The following SFMBT1 variants were observed in gnomAD, a reference collection of about 807,000 sequenced individuals.
The protein encoded by SFMBT1 is scm-like with four MBT domains protein 1.
SFMBT1 carries 32 observed loss-of-function variants against 108.7 expected under a neutral mutation model. The ratio of observed to expected loss-of-function variants is 0.29; its 90% CI spans 0.22 to 0.40. The LOEUF is 0.40. Among genes scored for constraint, SFMBT1 ranks in the 10% least tolerant of loss-of-function variants. The pLI is 1.00. For missense variants in SFMBT1, 816 were observed against 1,059.6 expected, an observed-to-expected ratio of 0.77 and a Z score of 3.19; for synonymous variants, 348 against 369.5, an observed-to-expected ratio of 0.94 and a Z score of 0.67.
intron 14 of SFMBT1, among the ~76,000 whole-genome samples, chr3:52,915,382 C>T (rs1396356614): frequency 6.6e-6 from 1 of 152,210 alleles, no homozygotes; most frequent in Admixed American, 6.5e-5. Context: ...ACAGTCCTAA[C>T]CCTCTATGTA....
intron 2 of SFMBT1, among the ~76,000 whole-genome samples, chr3:52,957,669 C>A (rs1703824437): frequency 6.6e-6 from 1 of 152,190 alleles, no homozygotes; most frequent in East Asian, 1.9e-4. Context: ...CTACAACCAT[C>A]TGATTTTCAA....
In SFMBT1 at chr3:53,009,988, T is replaced by C. The variant is rs564865962; in HGVS notation, c.-131+35828A>G. ...TTGCAGAGGCAGAAGAAAATCCACATAAAGTGGACCCATGTGATTTGCCCT... is the reference window on the plus strand; with the variant it reads ...TTGCAGAGGCAGAAGAAAATCCACACAAAGTGGACCCATGTGATTTGCCCT... On this transcript the variant is annotated intron_variant, in intron 1 of 20. Coordinates refer to ENST00000394752, the MANE Select transcript of SFMBT1 (RefSeq NM_016329.4). 1.4e-4 allele frequency among the ~76,000 whole-genome samples: 22 copies of C among 152,238 alleles called. 1 individual carries two copies. In the South Asian group the frequency reaches 4.6e-3, roughly 32 times the overall value.
Position 52,985,791 on chromosome 3 carries a change from T to C in SFMBT1, c.-130-16533A>G, listed in dbSNP as rs1260848236. 2.6e-5 allele frequency among the ~76,000 whole-genome samples: 4 copies of C among 152,288 alleles called. No individual in the cohort carries two copies. In the East Asian group the frequency reaches 7.7e-4, roughly 29 times the overall value. ...GGCAACTGTAACACAATGGTAAGTA[T>C]TTGTGTATCTAAACATATTTAAACA... On this transcript the variant is annotated intron_variant, in intron 1 of 20. Transcript: ENST00000394752.
At chr3:53,010,213 C>A (rs1698894327) in intron 1 of SFMBT1, among the ~76,000 whole-genome samples, 1 of 152,222 alleles carries the variant, frequency 6.6e-6, no homozygotes, top group Non-Finnish European at 1.5e-5. Flanking sequence ...TCATTCTCAA[C>A]AAACAAGCAA....
intron 1 of SFMBT1, among the ~76,000 whole-genome samples, chr3:53,017,551 A>G (rs1699167531): frequency 6.6e-6 from 1 of 152,216 alleles, no homozygotes; most frequent in Non-Finnish European, 1.5e-5. Context: ...AGTCTTACAC[A>G]GTTAGTAAAG....
chr3:52,913,412 G>A (rs1702262767), intron 15 of SFMBT1, 66 bp downstream of exon 15: 3 of 1,557,606 alleles, frequency 1.9e-6, no homozygotes, highest in East Asian at 4.5e-5. Context: ...GTGGCTCCCT[G>A]TAGAAATGAC....
intron 3 of SFMBT1, among the ~76,000 whole-genome samples, chr3:52,949,971 A>G (rs1043811513): frequency 6.6e-6 from 1 of 152,070 alleles, no homozygotes; most frequent in East Asian, 1.9e-4. Flanking sequence ...ATTTACTTTT[A>G]ACCTATATGT....
chr3:52,958,359 G>A (rs977871999), intron 2 of SFMBT1, among the ~76,000 whole-genome samples: 4 of 152,208 alleles, frequency 2.6e-5, no homozygotes, highest in Non-Finnish European at 5.9e-5. Context: ...GGGAGGCCGC[G>A]GCAGGCGGAC....
chr3:52,916,053 A>G, intron 14 of SFMBT1, 97 bp downstream of exon 14: 1 of 993,684 alleles, frequency 1.0e-6, no homozygotes, highest in Admixed American at 2.0e-5. Context: ...ATGAAGACAC[A>G]TACTATACAT....
rs188521390 is a variant in SFMBT1, at chr3:53,032,847, A to G, written c.-131+12969T>C. Among the ~76,000 whole-genome samples, 6 of 152,336 alleles carry G rather than the reference A, an allele frequency of 3.9e-5. No individual in the cohort carries two copies. In the East Asian group the frequency reaches 1.2e-3, roughly 29 times the overall value. ...TATGTGGAATGCTGTGAGTGCCCAGAGCAAAGGGTGGTTAATGCAACCTGA... is the reference window on the plus strand; with the variant it reads ...TATGTGGAATGCTGTGAGTGCCCAGGGCAAAGGGTGGTTAATGCAACCTGA... On this transcript the variant is annotated intron_variant, in intron 1 of 20. Coordinates refer to ENST00000394752, the MANE Select transcript of SFMBT1 (RefSeq NM_016329.4).
At position 52,912,725 on chromosome 3, in the gene SFMBT1, A is replaced by T. The variant is rs1575367218; in HGVS notation, c.1621-78T>A. The T allele has an allele frequency of 2.9e-6, 3 of 1,052,386 alleles. No individual in the cohort carries two copies. In the East Asian group the frequency reaches 7.2e-5, roughly 25 times the overall value. 65.2% of individuals were successfully genotyped at this position (1,052,386 alleles called of 1,614,324 possible). A position where few individuals can be genotyped will look rare whatever the true frequency, so the allele number is the denominator to read the frequency against. ...ATTAGAATCTTGTCATCTCTTCCTT[A>T]AAATGTTAAGATTATTTAGGAGGTT... is the stretch of plus-strand genomic sequence containing the variant. On this transcript the variant is annotated intron_variant, in intron 15 of 20. Transcript: ENST00000394752.
intron 1 of SFMBT1, among the ~76,000 whole-genome samples, chr3:53,033,926 G>A (rs544932543): frequency 9.2e-5 from 14 of 151,566 alleles, no homozygotes; most frequent in African/African-American, 2.7e-4. Flanking sequence ...AAAAATTAGC[G>A]GGGTGTGGTG....
chr3:53,013,468 T>C (rs1451761652), intron 1 of SFMBT1, among the ~76,000 whole-genome samples: 1 of 151,462 alleles, frequency 6.6e-6, no homozygotes, highest in Non-Finnish European at 1.5e-5. Flanking sequence ...CACTGCTAGC[T>C]GGAATCAACT....
At chr3:52,935,645 TAACAAC>T (rs200440070) in intron 4 of SFMBT1, among the ~76,000 whole-genome samples, 1 of 152,086 alleles carries the variant, frequency 6.6e-6, no homozygotes, top group African/African-American at 2.4e-5. Context: ...AAAACCACAA[TAACAAC>T]ATCATACCTT....
rs536257805 is a variant in SFMBT1 at position 53,033,162 on chromosome 3, T to C, written c.-131+12654A>G. On this transcript the variant is annotated intron_variant, in intron 1 of 20. Coordinates refer to ENST00000394752, the MANE Select transcript of SFMBT1 (RefSeq NM_016329.4). ...GCTTCTACAAAATTTTTTAATAAAA[T>C]TTGCTTTTTTTTTTTTGAGATGGAG... Among the ~76,000 whole-genome samples, 491 of 152,004 alleles carry C rather than the reference T, an allele frequency of 3.2e-3. 1 individual carries two copies. The highest frequency in any genetic ancestry group is 6.3e-3 in the Non-Finnish European group (430 of 67,954).
At chr3:52,954,464 A>G in intron 2 of SFMBT1, 53 bp from the exon 3 acceptor site, 1 of 1,354,966 alleles carries the variant, frequency 7.4e-7, no homozygotes, top group Non-Finnish European at 1.0e-6. Flanking sequence ...AGAAAACTCA[A>G]GGTATAAAAA....
In SFMBT1 at chr3:52,985,764, T is replaced by C. The variant is rs189991027; in HGVS notation, c.-130-16506A>G. 2.6e-5 allele frequency among the ~76,000 whole-genome samples: 4 copies of C among 152,328 alleles called. No homozygotes were observed. The East Asian group carries it at 5.8e-4, about 22-fold the overall frequency. On this transcript the variant is annotated intron_variant, in intron 1 of 20. Transcript: ENST00000394752. ...CTATTGCCCCTAGGCTACAAACCTG[T>C]AGGCAACTGTAACACAATGGTAAGT...
intron 1 of SFMBT1, among the ~76,000 whole-genome samples, chr3:53,005,075 T>C (rs917283549): frequency 6.6e-6 from 1 of 152,206 alleles, no homozygotes; most frequent in African/African-American, 2.4e-5. Context: ...TCTTGGGAGC[T>C]GGTCTGAATG....
intron 13 of SFMBT1, among the ~76,000 whole-genome samples, chr3:52,916,426 T>C (rs1009251836): frequency 4.0e-5 from 6 of 150,996 alleles, no homozygotes; most frequent in African/African-American, 7.3e-5. Context: ...TCCCAGCACT[T>C]TGGGAGGCTG....
Sources: gnomAD v4.1 joint callset for allele counts (sites outside exome capture counted in the v4.1 genomes callset) on GRCh38, gnomAD v4.1.1 for gene constraint, MANE v1.5 for transcripts, NCBI Gene and HGNC (gene_info 2026-07-23, HGNC 2026-07-21) for gene names.